The following BATF3 variants were observed in gnomAD, a reference collection of about 807,000 sequenced individuals.
The protein encoded by BATF3 is basic leucine zipper transcriptional factor ATF-like 3.
In BATF3, 8 loss-of-function variants were observed where a neutral mutation model predicts 16.1. The observed-to-expected ratio is 0.50, with a 90% confidence interval of 0.29 to 0.90. The LOEUF (loss-of-function observed/expected upper bound fraction) is 0.90, where lower values mean the gene tolerates loss of function less well. Among genes scored for constraint, BATF3 ranks in the 40% least tolerant of loss-of-function variants. The pLI, the probability that BATF3 is intolerant of heterozygous loss-of-function variation, is 0.08. For missense variants in BATF3, 139 were observed against 167.0 expected, an observed-to-expected ratio of 0.83 and a Z score of 0.92; for synonymous variants, 74 against 72.7, an observed-to-expected ratio of 1.02 and a Z score of -0.09.
At position 212,689,131 on chromosome 1, in the gene BATF3, A is replaced by G. The variant is rs1656933094; in HGVS notation, c.196-2152T>C. Reference sequence around the variant, plus strand: ...TTTTGTATCATATTCAATTTCACTCATATGAAGTAATGTCTCCCCCCAAAG... The same window carrying G: ...TTTTGTATCATATTCAATTTCACTCGTATGAAGTAATGTCTCCCCCCAAAG... On this transcript the variant is annotated intron_variant, in intron 2 of 2. Transcript: ENST00000243440. The surrounding 1 kb of genome is among the most constrained non-coding windows in gnomAD (Gnocchi z 4.6). Among the ~76,000 whole-genome samples the G allele has an allele frequency of 6.6e-6, 1 of 152,078 alleles. No individual in the cohort carries two copies. Among genetic ancestry groups the G allele is most frequent in the Admixed American group, 6.6e-5 (1 of 15,262 alleles).
At position 212,699,709 on chromosome 1, in the gene BATF3, C is replaced by A; in HGVS notation, c.54G>T (p.Ala18=). The part of the protein sequence containing the change: ...AGSVLQRSVA[A]PGNQPQPQPQ... ...GCTGCGGCTGCGGCTGGTTCCCGGGCGCCGCGACGCTCCTCTGCAGGACGC... is the reference window on the plus strand; with the variant it reads ...GCTGCGGCTGCGGCTGGTTCCCGGGAGCCGCGACGCTCCTCTGCAGGACGC... Residue 18 remains alanine, a synonymous_variant, in exon 1 of 3, where the codon GCG becomes GCT. Coordinates refer to ENST00000243440, the MANE Select transcript of BATF3 (RefSeq NM_018664.3). The surrounding 1 kb of genome is among the most constrained non-coding windows in gnomAD (Gnocchi z 4.4). 7.4e-7 allele frequency: 1 copy of A among 1,348,290 alleles called. No homozygotes were observed. The highest frequency in any genetic ancestry group is 9.6e-7 in the Non-Finnish European group (1 of 1,044,858). 83.5% of individuals were successfully genotyped at this position (1,348,290 alleles called of 1,614,324 possible).
chr1:212,698,228 G>A (rs1278578831), intron 1 of BATF3: 2 of 152,166 alleles, frequency 1.3e-5, no homozygotes, highest in Non-Finnish European at 2.9e-5. Flanking sequence ...ACATTACAGG[G>A]GAACATGTGG....
Position 212,699,793 on chromosome 1 carries a change from G to A in BATF3, c.-31C>T. 1 of 773,786 alleles carries A rather than the reference G, an allele frequency of 1.3e-6. No individual in the cohort carries two copies. The highest frequency in any genetic ancestry group is 1.5e-6 in the Non-Finnish European group (1 of 673,952). The allele number at this position is 773,786 out of a possible 1,614,324, so 47.9% of individuals were successfully genotyped here. ...GCGCTCCTCTGGCCCGGCCCGCCCC[G>A]CCCCGCCCGCGCGCCCTGCCCGTGG... On this transcript the variant is annotated 5_prime_UTR_variant, in exon 1 of 3. Transcript: ENST00000243440. This position sits in a 1 kb window ranked among gnomAD's most constrained non-coding sequence, Gnocchi z 4.4.
Position 212,699,723 on chromosome 1 carries a change from T to A in BATF3, c.40A>T (p.Arg14Trp). The A allele has an allele frequency of 1.5e-6, 2 of 1,330,436 alleles. No homozygotes were observed. Among genetic ancestry groups the A allele is most frequent in the Non-Finnish European group, 1.9e-6 (2 of 1,036,068 alleles). The allele number at this position is 1,330,436 out of a possible 1,614,324, so 82.4% of individuals were successfully genotyped here. Residue 14 changes from arginine (R) to tryptophan (W), a missense_variant, in exon 1 of 3, where the codon AGG (arginine) becomes TGG (tryptophan). Physicochemically the swap from Arg to Trp is moderately radical, Grantham distance 101. Coordinates refer to ENST00000243440, the MANE Select transcript of BATF3 (RefSeq NM_018664.3). This position sits in a 1 kb window ranked among gnomAD's most constrained non-coding sequence, Gnocchi z 4.4. ...TGGTTCCCGGGCGCCGCGACGCTCC[T>A]CTGCAGGACGCTGCCGGCGGCCGGG... ...GLPAAGSVLQ[R>W]SVAAPGNQPQ...
intron 2 of BATF3, among the ~76,000 whole-genome samples, chr1:212,692,562 C>T (rs570831207): frequency 4.6e-5 from 7 of 152,190 alleles, no homozygotes; most frequent in Admixed American, 1.3e-4. Flanking sequence ...CTCAGCCTCC[C>T]GAGTAGTTGG....
At chr1:212,697,193 G>A in intron 1 of BATF3, 128 bp from the exon 2 acceptor site, 1 of 705,152 alleles carries the variant, frequency 1.4e-6, no homozygotes, top group Non-Finnish European at 2.4e-6. Context: ...ACCACTAGTT[G>A]CTATACCAAT....
intron 2 of BATF3, among the ~76,000 whole-genome samples, chr1:212,695,710 C>T (rs189415291): frequency 6.6e-6 from 1 of 152,132 alleles, no homozygotes; most frequent in African/African-American, 2.4e-5. Context: ...CCAACCCCGA[C>T]AAAGACAAGA....
chr1:212,697,302 A>G, intron 1 of BATF3: 1 of 462,286 alleles, frequency 2.2e-6, no homozygotes, highest in Non-Finnish European at 3.9e-6. Context: ...AGAAACTCAG[A>G]GAGGTTAAGG....
intron 2 of BATF3, among the ~76,000 whole-genome samples, chr1:212,696,423 GGTGTGTGTGTGT>G (rs139095900): frequency 6.7e-6 from 1 of 148,506 alleles, no homozygotes; most frequent in Non-Finnish European, 1.5e-5. Flanking sequence ...GTTTCTGTAG[GGTGTGTGTGTGT>G]GTGTGTGTGT....
rs1657218791 is a variant in BATF3, at chr1:212,699,547, C to T, written c.90+126G>A. 6.9e-6 allele frequency: 5 copies of T among 721,852 alleles called. No homozygotes were observed. Among genetic ancestry groups the T allele is most frequent in the African/African-American group, 1.9e-5 (1 of 53,788 alleles). The allele number at this position is 721,852 out of a possible 1,614,324, so 44.7% of individuals were successfully genotyped here. ...CTACGCCCCTACCTCTGCTTGTCTC[C>T]GGCCGCACCCGCCACCTCTGCACCT... On this transcript the variant is annotated intron_variant, in intron 1 of 2. Transcript: ENST00000243440. This position sits in a 1 kb window ranked among gnomAD's most constrained non-coding sequence, Gnocchi z 4.4.
chr1:212,689,758 CACACACTCACACACGTCCGCAA>C lies in BATF3; in HGVS notation c.196-2801_196-2780del, dbSNP rs1237690102. Among the ~76,000 whole-genome samples, 3 of 151,696 alleles carry C rather than the reference CACACACTCACACACGTCCGCAA, an allele frequency of 2.0e-5. No homozygotes were observed. The highest frequency in any genetic ancestry group is 1.3e-4 in the Admixed American group (2 of 15,212). On this transcript the variant is annotated intron_variant, in intron 2 of 2. Transcript: ENST00000243440. The surrounding 1 kb of genome is among the most constrained non-coding windows in gnomAD (Gnocchi z 4.6). ...ACACTCTTACACACATACACATATACACACACTCACACACGTCCGCAAACACACTCACACACTCTCATACACA... is the reference window on the plus strand; with the variant it reads ...ACACTCTTACACACATACACATATACACACACTCACACACTCTCATACACA...
In BATF3 at chr1:212,686,975, T is replaced by C. The variant is rs749470295; in HGVS notation, c.200A>G (p.Tyr67Cys). The change falls in exon 3 of 3, where the codon TAT becomes TGT. Residue 67 changes from tyrosine (Y) to cysteine (C), a missense_variant. Physicochemically the swap from Tyr to Cys is radical, Grantham distance 194 (BLOSUM62 -2). Coordinates refer to ENST00000243440, the MANE Select transcript of BATF3 (RefSeq NM_018664.3). ...GGTGTTTTCTTGCTCCAGGCTCTCATATTCCTGGGGGAGACAGAATGGGCA... is the reference window on the plus strand; with the variant it reads ...GGTGTTTTCTTGCTCCAGGCTCTCACATTCCTGGGGGAGACAGAATGGGCA... The part of the protein sequence containing the change: ...TQKADKLHEE[Y>C]ESLEQENTML... 1.3e-6 allele frequency: 2 copies of C among 1,586,204 alleles called. No individual in the cohort carries two copies. The highest frequency in any genetic ancestry group is 2.2e-5 in the South Asian group (2 of 90,580).
At chr1:212,693,014 C>T (rs951059672) in intron 2 of BATF3, among the ~76,000 whole-genome samples, 3 of 152,202 alleles carry the variant, frequency 2.0e-5, no homozygotes, top group South Asian at 2.1e-4. Context: ...ATGGTGTCCC[C>T]ACCCTAGATT....
chr1:212,697,127 G>T, intron 1 of BATF3, 62 bp from the exon 2 acceptor site: 1 of 1,314,738 alleles, frequency 7.6e-7, no homozygotes. Flanking sequence ...TTTCTGCCCT[G>T]TCTCATCACT....
chr1:212,699,820 G>A lies in BATF3; in HGVS notation c.-58C>T, dbSNP rs1657233761. The A allele has an allele frequency of 6.6e-6, 7 of 1,066,700 alleles. No individual in the cohort carries two copies. The highest frequency in any genetic ancestry group is 1.7e-5 in the African/African-American group (1 of 57,910). The allele number at this position is 1,066,700 out of a possible 1,614,324, so 66.1% of individuals were successfully genotyped here. On this transcript the variant is annotated 5_prime_UTR_variant, in exon 1 of 3. Transcript: ENST00000243440. The surrounding 1 kb of genome is among the most constrained non-coding windows in gnomAD (Gnocchi z 4.4). ...CCCGCCCGCGCGCCCTGCCCGTGGG[G>A]CTGCCTACGGGCGCTGTCCCGCCGC... is the stretch of plus-strand genomic sequence containing the variant.
intron 1 of BATF3, chr1:212,698,094 AG>A (rs1305103858): frequency 6.6e-6 from 1 of 152,236 alleles, no homozygotes; most frequent in Non-Finnish European, 1.5e-5. Context: ...CAGATATGCA[AG>A]AATATAAAGG....
chr1:212,690,787 G>A (rs1262563827), intron 2 of BATF3, among the ~76,000 whole-genome samples: 2 of 152,182 alleles, frequency 1.3e-5, no homozygotes, highest in Non-Finnish European at 2.9e-5. Context: ...GGTATTTGTC[G>A]GGACAGTTTC....
chr1:212,696,205 C>T (rs1571836435), intron 2 of BATF3, among the ~76,000 whole-genome samples: 2 of 151,226 alleles, frequency 1.3e-5, no homozygotes, highest in East Asian at 1.9e-4. Flanking sequence ...AATAAAGGGT[C>T]GAAGGCTAAC....
rs557970436 is a variant in BATF3 at position 212,686,615 on chromosome 1, G to T, written c.*176C>A. 6.5e-6 allele frequency: 7 copies of T among 1,085,232 alleles called. No homozygotes were observed. Among genetic ancestry groups the T allele is most frequent in the South Asian group, 1.8e-5 (1 of 56,676 alleles). 67.2% of individuals were successfully genotyped at this position (1,085,232 alleles called of 1,614,324 possible). Reference sequence around the variant, plus strand: ...TGCACAAGGGCTCTGTGAGTTTGGCGCCTGTTGGATGTCGGGCTGAGCCCA... The same window carrying T: ...TGCACAAGGGCTCTGTGAGTTTGGCTCCTGTTGGATGTCGGGCTGAGCCCA... On this transcript the variant is annotated 3_prime_UTR_variant, in exon 3 of 3. Coordinates refer to ENST00000243440, the MANE Select transcript of BATF3 (RefSeq NM_018664.3).
Sources: allele counts gnomAD v4.1 joint callset (sites outside exome capture counted in the v4.1 genomes callset), GRCh38; gene constraint gnomAD v4.1.1; non-coding constraint Gnocchi (gnomAD v3.1); transcripts MANE v1.5; gene names NCBI Gene and HGNC (gene_info 2026-07-23, HGNC 2026-07-21).